Variants in ROBO1 observed in about 807,000 individuals in gnomAD.
ROBO1 encodes the protein roundabout homolog 1.
Under a neutral mutation model 195.9 loss-of-function variants are expected in ROBO1, and 149 were observed. The observed-to-expected ratio is 0.76, with a 90% confidence interval of 0.67 to 0.87. The LOEUF (loss-of-function observed/expected upper bound fraction) is 0.87, where lower values mean the gene tolerates loss of function less well. Among genes scored for constraint, ROBO1 ranks in the 40% least tolerant of loss-of-function variants. ROBO1 has a pLI of 0.00. For synonymous variants in ROBO1, 816 were observed against 733.2 expected, an observed-to-expected ratio of 1.11 and a Z score of -1.82; for missense variants, 1,933 against 2,068.3, an observed-to-expected ratio of 0.93 and a Z score of 1.27.
At chr3:78,635,212 A>G (rs757783367) in intron 23 of ROBO1, among the ~76,000 whole-genome samples, 1 of 152,198 alleles carries the variant, frequency 6.6e-6, no homozygotes, top group Non-Finnish European at 1.5e-5. Context: ...TTTAGGTTCT[A>G]TACGGACAGA....
At position 79,047,649 on chromosome 3, in the gene ROBO1, C is replaced by G. The variant is rs570980341; in HGVS notation, c.172+77807G>C. On this transcript the variant is annotated intron_variant, in intron 3 of 30. Coordinates refer to ENST00000464233, the MANE Select transcript of ROBO1 (RefSeq NM_002941.4). Reference sequence around the variant, plus strand: ...TGGGGTAATTTGTTACATAGCCATACACATTTAGTATAGAATAAGCCACAG... The same window carrying G: ...TGGGGTAATTTGTTACATAGCCATAGACATTTAGTATAGAATAAGCCACAG... Among the ~76,000 whole-genome samples, 28 of 152,224 alleles carry G rather than the reference C, an allele frequency of 1.8e-4. No homozygotes were observed. In the South Asian group the frequency reaches 5.6e-3, roughly 30 times the overall value.
At chr3:78,753,408 AT>A (rs2082846406) in intron 4 of ROBO1, among the ~76,000 whole-genome samples, 1 of 152,194 alleles carries the variant, frequency 6.6e-6, no homozygotes, top group Non-Finnish European at 1.5e-5. Flanking sequence ...CCTAGTGCTT[AT>A]TCCAACAGCA....
chr3:79,688,579 C>T (rs1947204990), intron 1 of ROBO1, among the ~76,000 whole-genome samples: 1 of 151,964 alleles, frequency 6.6e-6, no homozygotes, highest in Admixed American at 6.6e-5. Context: ...TCCTAAGCAC[C>T]CATTTATAAG....
chr3:79,310,875 T>G (rs751165361), intron 2 of ROBO1, among the ~76,000 whole-genome samples: 2 of 152,238 alleles, frequency 1.3e-5, no homozygotes, highest in African/African-American at 2.4e-5. Flanking sequence ...TAGTAAGTGT[T>G]ATCAATTTCA....
At chr3:79,521,670 T>A (rs1002890806) in intron 2 of ROBO1, among the ~76,000 whole-genome samples, 2 of 152,190 alleles carry the variant, frequency 1.3e-5, no homozygotes, top group Non-Finnish European at 2.9e-5. Context: ...TGAATACTTA[T>A]TTAGCTTCAA....
chr3:79,083,988 G>A (rs2079321895), intron 3 of ROBO1, among the ~76,000 whole-genome samples: 1 of 152,180 alleles, frequency 6.6e-6, no homozygotes, highest in African/African-American at 2.4e-5. Context: ...CACCTTGAAA[G>A]CTTGAGATTT....
chr3:79,120,962 A>G (rs760784681), intron 3 of ROBO1, among the ~76,000 whole-genome samples: 9 of 152,174 alleles, frequency 5.9e-5, no homozygotes, highest in Non-Finnish European at 1.3e-4. Context: ...GATCTGTTCA[A>G]TTTCTAACTA....
At chr3:79,330,292 T>TAA (rs1553721131) in intron 2 of ROBO1, among the ~76,000 whole-genome samples, 1 of 146,596 alleles carries the variant, frequency 6.8e-6, no homozygotes, top group African/African-American at 2.5e-5. Context: ...TATATATATA[T>TAA]AAAGAATTTA....
At chr3:79,425,802 T>C (rs898515081) in intron 2 of ROBO1, among the ~76,000 whole-genome samples, 1 of 151,956 alleles carries the variant, frequency 6.6e-6, no homozygotes, top group African/African-American at 2.4e-5. Context: ...GAGTGACCAT[T>C]TCCCTAGCTA....
intron 1 of ROBO1, among the ~76,000 whole-genome samples, chr3:79,712,718 A>C (rs1337783469): frequency 1.3e-5 from 2 of 152,108 alleles, no homozygotes; most frequent in African/African-American, 4.8e-5. Context: ...TTTCATAGCT[A>C]GAGAAGATGA....
intron 1 of ROBO1, among the ~76,000 whole-genome samples, chr3:79,695,474 A>G (rs1161754430): frequency 6.6e-6 from 1 of 151,534 alleles, no homozygotes; most frequent in Non-Finnish European, 1.5e-5. Flanking sequence ...TATCAATTTA[A>G]TTTATTTCAT....
chr3:79,144,988 A>G (rs989232934), intron 2 of ROBO1, among the ~76,000 whole-genome samples: 39 of 152,098 alleles, frequency 2.6e-4, no homozygotes, highest in African/African-American at 9.4e-4. Flanking sequence ...AAAGACCTGG[A>G]CAGAATTGCC....
intron 3 of ROBO1, among the ~76,000 whole-genome samples, chr3:79,074,807 G>T (rs1033461708): frequency 1.3e-5 from 2 of 151,684 alleles, no homozygotes; most frequent in African/African-American, 4.8e-5. Context: ...AAAAATGTGT[G>T]CTAATTTAGT....
rs552095065 is a variant in ROBO1, at chr3:79,329,725, G to T, written c.89-204186C>A. 4.6e-5 allele frequency among the ~76,000 whole-genome samples: 7 copies of T among 152,092 alleles called. No homozygotes were observed. The South Asian group carries it at 1.5e-3, about 32-fold the overall frequency. On this transcript the variant is annotated intron_variant, in intron 2 of 30. Transcript: ENST00000464233. ...AGTTGAATTTCCACTCTTTATTCAG[G>T]AACTATTGTTAAGTGAGATAGAATA...
chr3:78,986,123 G>A (rs756466750), intron 3 of ROBO1, among the ~76,000 whole-genome samples: 7 of 152,106 alleles, frequency 4.6e-5, no homozygotes, highest in Non-Finnish European at 8.8e-5. Flanking sequence ...CAGAGTTCAC[G>A]GGAAGGTCCA....
chr3:79,752,603 T>C (rs954933283), intron 1 of ROBO1, among the ~76,000 whole-genome samples: 3 of 152,172 alleles, frequency 2.0e-5, no homozygotes, highest in Admixed American at 6.5e-5. Flanking sequence ...GCTTGGACTC[T>C]ATTCTGCAGG....
At chr3:79,703,381 G>T (rs192701813) in intron 1 of ROBO1, among the ~76,000 whole-genome samples, 40 of 151,542 alleles carry the variant, frequency 2.6e-4, no homozygotes, top group African/African-American at 9.4e-4. Context: ...TATCTGATAA[G>T]CATTTTAAAT....
chr3:79,018,762 A>C, intron 3 of ROBO1: 2 of 1,139,414 alleles, frequency 1.8e-6, no homozygotes, highest in Admixed American at 7.4e-5. Context: ...GCAGAAGCGC[A>C]GTAGTGCCGT....
chr3:79,214,354 T>A (rs1238740235), intron 2 of ROBO1, among the ~76,000 whole-genome samples: 1 of 152,168 alleles, frequency 6.6e-6, no homozygotes, highest in Non-Finnish European at 1.5e-5. Flanking sequence ...TTCGCTTCTC[T>A]GTAACCAAAT....
Sources: gnomAD v4.1 joint callset for allele counts (sites outside exome capture counted in the v4.1 genomes callset) on GRCh38, gnomAD v4.1.1 for gene constraint, MANE v1.5 for transcripts, NCBI Gene and HGNC (gene_info 2026-07-23, HGNC 2026-07-21) for gene names.